MICAL2: variants seen among roughly 807,000 people sequenced by gnomAD.
MICAL2 encodes microtubule associated monooxygenase, calponin and LIM domain containing 2, also known as [F-actin]-monooxygenase MICAL2.
Under a neutral mutation model 127.3 loss-of-function variants are expected in MICAL2, and 77 were observed. The ratio of observed to expected loss-of-function variants is 0.60; its 90% CI spans 0.50 to 0.73. MICAL2 has a LOEUF of 0.73. Among genes scored for constraint, MICAL2 ranks in the 30% least tolerant of loss-of-function variants. The probability of loss-of-function intolerance (pLI) is 0.00; values close to 1 mark genes in which losing one functional copy is unlikely to be tolerated. For synonymous variants in MICAL2, 570 were observed against 551.1 expected (o/e 1.03, Z -0.48); for missense variants, 1,351 against 1,434.4 (o/e 0.94, Z 0.94).
chr11:12,156,652 C>T (rs988945586), intron 2 of MICAL2, among the ~76,000 whole-genome samples: 1 of 152,178 alleles, frequency 6.6e-6, no homozygotes, highest in Non-Finnish European at 1.5e-5. Context: ...GAAAGCCAGC[C>T]CTACCTGGGC....
Position 12,220,296 on chromosome 11 carries a change from C to A in MICAL2, c.1044C>A (p.Asn348Lys). The change falls in exon 9 of 28, where the codon AAC becomes AAA. Residue 348 changes from asparagine (N) to lysine (K), a missense_variant. By Grantham distance (94) the Asn-to-Lys change is moderately conservative. Transcript: ENST00000683283. ...GGGAAGCTGCAGACTTTGCCACCAACTACCAGCTGCCATCCTTAGACTTTG... is the reference window on the plus strand; with the variant it reads ...GGGAAGCTGCAGACTTTGCCACCAAATACCAGCTGCCATCCTTAGACTTTG... Reference protein sequence around the residue: ...YAREAADFATNYQLPSLDFAM... With the variant: ...YAREAADFATKYQLPSLDFAM... The A allele has an allele frequency of 6.2e-7, 1 of 1,614,264 alleles. No homozygotes were observed. The highest frequency in any genetic ancestry group is 8.5e-7 in the Non-Finnish European group (1 of 1,180,052).
rs188616927 is a variant in MICAL2, at chr11:12,129,597, C to T, written c.-148-8793C>T. On this transcript the variant is annotated intron_variant, in intron 1 of 27. Coordinates refer to ENST00000683283, the MANE Select transcript of MICAL2 (RefSeq NM_001282663.2). ...GGGAGGAGGTCATGTGGTGACCAGC[C>T]GACCTTTATACAATTCTACTCTGTT... Among the ~76,000 whole-genome samples, 140 of 149,624 alleles carry T rather than the reference C, an allele frequency of 9.4e-4. 1 individual carries two copies. The highest frequency in any genetic ancestry group is 3.4e-3 in the African/African-American group (135 of 40,080).
At chr11:12,248,001 T>C (rs923202652) in intron 21 of MICAL2, among the ~76,000 whole-genome samples, 1 of 152,192 alleles carries the variant, frequency 6.6e-6, no homozygotes, top group Non-Finnish European at 1.5e-5. Context: ...GTTCCTGCCC[T>C]ATGGTCTTCC....
chr11:12,221,578 G>A, intron 9 of MICAL2, 66 bp from the exon 10 acceptor site: 2 of 1,165,266 alleles, frequency 1.7e-6, no homozygotes, highest in Non-Finnish European at 1.3e-6. Context: ...TGTGTGCTGG[G>A]TCCAATGAGA....
intron 3 of MICAL2, among the ~76,000 whole-genome samples, chr11:12,182,152 G>T (rs1857556841): frequency 6.6e-6 from 1 of 152,218 alleles, no homozygotes; most frequent in Non-Finnish European, 1.5e-5. Flanking sequence ...AGCTATGCTA[G>T]ATCTGTTAAT....
rs1863271520 is a variant in MICAL2, at chr11:12,262,509, C to T, written c.3364C>T (p.Leu1122Phe). The T allele has an allele frequency of 6.2e-7, 1 of 1,613,888 alleles. No individual in the cohort carries two copies. Among genetic ancestry groups the T allele is most frequent in the Non-Finnish European group, 8.5e-7 (1 of 1,179,846 alleles). ...TTTCAGCCTTCCAGTGCTACACCCA[C>T]TTCTTGGCTGACACACTTCTGCTCT... ...VHFSLPVLHP[L>F]LG is the part of the protein sequence containing the mutation. The change falls in exon 27 of 28, where the codon CTT (leucine) becomes TTT (phenylalanine). Residue 1122 changes from leucine to phenylalanine, a missense_variant. Leu to Phe is a conservative substitution (Grantham distance 22). Transcript: ENST00000683283.
At chr11:12,182,439 T>C (rs1857592179) in intron 3 of MICAL2, among the ~76,000 whole-genome samples, 1 of 152,138 alleles carries the variant, frequency 6.6e-6, no homozygotes, top group African/African-American at 2.4e-5. Context: ...TGAGACCAAA[T>C]TTCCACATCT....
At chr11:12,210,424 A>T (rs572524941) in intron 6 of MICAL2, among the ~76,000 whole-genome samples, 7 of 152,290 alleles carry the variant, frequency 4.6e-5, no homozygotes, top group African/African-American at 1.4e-4. Context: ...GACTGAGAGG[A>T]TACGTCACTC....
intron 26 of MICAL2, chr11:12,261,657 G>A: frequency 1.0e-6 from 1 of 985,440 alleles, no homozygotes; most frequent in South Asian, 4.7e-5. Flanking sequence ...GAACCTTTGA[G>A]AGCTTTGAGA....
intron 24 of MICAL2, chr11:12,257,178 C>T: frequency 1.8e-6 from 1 of 558,142 alleles, no homozygotes; most frequent in Non-Finnish European, 3.1e-6. Flanking sequence ...GTAGCATCAG[C>T]ACTGTGGTAC....
chr11:12,261,986 G>A (rs1863177932), intron 26 of MICAL2: 3 of 1,000,628 alleles, frequency 3.0e-6, no homozygotes, highest in Non-Finnish European at 3.6e-6. Context: ...TTTGTGGAGT[G>A]TTCCATGAAG....
In MICAL2 at chr11:12,249,172, C is replaced by G. The variant is rs762526888; in HGVS notation, c.2785-12C>G. 10 of 1,613,670 alleles carry G rather than the reference C, an allele frequency of 6.2e-6. No homozygotes were observed. The African/African-American group carries it at 8.0e-5, about 13-fold the overall frequency. ...TTACCTAAAATGCATGTTGATCCCT[C>G]TCTTTCTAAAGGAAAAGAAGTCACC... On this transcript the variant is annotated splice_polypyrimidine_tract_variant and intron_variant, in intron 21 of 27. Coordinates refer to ENST00000683283, the MANE Select transcript of MICAL2 (RefSeq NM_001282663.2).
intron 1 of MICAL2, among the ~76,000 whole-genome samples, chr11:12,113,028 TG>T (rs1849723551): frequency 6.6e-6 from 1 of 152,202 alleles, no homozygotes; most frequent in African/African-American, 2.4e-5. Context: ...GCCTTGGCTC[TG>T]GCAGGACGGG....
chr11:12,330,833 C>CAGAGAGAGAGAG (rs1422663669), intron 32 of MICAL2, among the ~76,000 whole-genome samples: 1 of 132,638 alleles, frequency 7.5e-6, no homozygotes, highest in Non-Finnish European at 1.6e-5. Context: ...GAGAGACAGA[C>CAGAGAGAGAGAG]AGAGAGAGAG....
chr11:12,343,557 A>G (rs778597915), intron 32 of MICAL2, among the ~76,000 whole-genome samples: 12 of 152,180 alleles, frequency 7.9e-5, no homozygotes, highest in Non-Finnish European at 1.6e-4. Context: ...CTAACAGGCC[A>G]GATTTTAGGA....
intron 29 of MICAL2, among the ~76,000 whole-genome samples, chr11:12,311,439 T>C (rs950156490): frequency 6.6e-6 from 1 of 151,882 alleles, no homozygotes; most frequent in African/African-American, 2.4e-5. Flanking sequence ...TGAGACAGAG[T>C]CTTGCTCTGT....
intron 3 of MICAL2, among the ~76,000 whole-genome samples, chr11:12,193,727 T>C (rs1859516115): frequency 6.6e-6 from 1 of 152,196 alleles, no homozygotes; most frequent in Admixed American, 6.5e-5. Flanking sequence ...AGTTTCTGCT[T>C]TGGAGCTTGA....
At chr11:12,129,378 A>G (rs34300747) in intron 1 of MICAL2, among the ~76,000 whole-genome samples, 36,858 of 152,134 alleles carry the variant, frequency 0.24, 4,794 homozygotes, top group Middle Eastern at 0.32. Flanking sequence ...GTTACTGGGT[A>G]CTGTCCCCAT....
At chr11:12,165,138 CA>C (rs1207353830) in intron 3 of MICAL2, among the ~76,000 whole-genome samples, 233 of 73,388 alleles carry the variant, frequency 3.2e-3, no homozygotes, top group East Asian at 4.8e-3. Flanking sequence ...GACTCCATCT[CA>C]AAAAAAAAAA....
Sources: gnomAD v4.1 joint callset for allele counts (sites outside exome capture counted in the v4.1 genomes callset) on GRCh38, gnomAD v4.1.1 for gene constraint, MANE v1.5 for transcripts, NCBI Gene and HGNC (gene_info 2026-07-23, HGNC 2026-07-21) for gene names.